MTHFD1L: variants seen among roughly 807,000 people sequenced by gnomAD.
The protein encoded by MTHFD1L is monofunctional C1-tetrahydrofolate synthase, mitochondrial.
MTHFD1L carries 81 observed loss-of-function variants against 119.5 expected under a neutral mutation model. The ratio of observed to expected loss-of-function variants is 0.68; its 90% CI spans 0.57 to 0.82. The LOEUF (loss-of-function observed/expected upper bound fraction) is 0.82. MTHFD1L is among the 40% of genes least tolerant of loss of function. MTHFD1L has a pLI of 0.00. For synonymous variants in MTHFD1L, 430 were observed against 475.2 expected (o/e 0.90, Z 1.24); for missense variants, 1,125 against 1,253.4 (o/e 0.90, Z 1.55).
At chr6:150,877,877 T>G in intron 4 of MTHFD1L, 51 bp downstream of exon 4, 1 of 1,600,612 alleles carries the variant, frequency 6.2e-7, no homozygotes, top group South Asian at 1.1e-5. Flanking sequence ...TCTTGAGACT[T>G]AATAGGCCCA....
chr6:150,870,055 C>CCACT (rs1220963248), intron 1 of MTHFD1L, among the ~76,000 whole-genome samples: 1 of 152,216 alleles, frequency 6.6e-6, no homozygotes, highest in Non-Finnish European at 1.5e-5. Context: ...CAGGCATGAG[C>CCACT]CACTGCCCCT....
At chr6:151,001,685 A>G (rs1379484935) in intron 20 of MTHFD1L, among the ~76,000 whole-genome samples, 2 of 152,154 alleles carry the variant, frequency 1.3e-5, no homozygotes, top group South Asian at 2.1e-4. Context: ...AGGAGGCCGG[A>G]TTGCAGCGCC....
intron 20 of MTHFD1L, among the ~76,000 whole-genome samples, chr6:151,008,611 C>G (rs570184279): frequency 6.6e-6 from 1 of 152,248 alleles, no homozygotes; most frequent in African/African-American, 2.4e-5. Flanking sequence ...TACTACTGAC[C>G]CAGTGCCTCG....
rs116070388 is a variant in MTHFD1L at position 151,061,755 on chromosome 6, G to A, written c.2847+24638G>A. On this transcript the variant is annotated intron_variant, in intron 26 of 27. Transcript: ENST00000367321. Reference sequence around the variant, plus strand: ...TAAAACCAGGTCTTCTAGAGAGAAAGTCTAACCCTGTATTCCTTTAAACCA... The same window carrying A: ...TAAAACCAGGTCTTCTAGAGAGAAAATCTAACCCTGTATTCCTTTAAACCA... Among the ~76,000 whole-genome samples, 1,515 of 152,290 alleles carry A rather than the reference G, an allele frequency of 9.9e-3. 26 individuals carry two copies. The highest frequency in any genetic ancestry group is 0.035 in the African/African-American group (1,446 of 41,542).
rs777994598 is a variant in MTHFD1L, at chr6:150,938,706, C to T, written c.1401C>T (p.Ala467=). ...QGPTFGVKGG[A]AGGGYAQVIP... is the part of the protein sequence containing the mutation. Reference sequence around the variant, plus strand: ...TCTTGCTCTGTTGTTTAGGAGGAGCCGCGGGTGGTGGATATGCCCAGGTCA... The same window carrying T: ...TCTTGCTCTGTTGTTTAGGAGGAGCTGCGGGTGGTGGATATGCCCAGGTCA... The change falls in exon 13 of 28, where the codon GCC becomes GCT. Residue 467 remains alanine, a synonymous_variant. Transcript: ENST00000367321. The T allele has an allele frequency of 1.8e-5, 29 of 1,610,400 alleles. No homozygotes were observed. The Admixed American group carries it at 2.0e-4, about 11-fold the overall frequency.
intron 20 of MTHFD1L, among the ~76,000 whole-genome samples, chr6:150,974,825 C>G (rs1375751285): frequency 6.6e-6 from 1 of 151,986 alleles, no homozygotes; most frequent in Admixed American, 6.6e-5. Flanking sequence ...CAACCTCCGC[C>G]TCCCAGGTTC....
rs1180436527 is a variant in MTHFD1L, at chr6:151,012,934, T to C, written c.2266-845T>C. Among the ~76,000 whole-genome samples the C allele has an allele frequency of 2.0e-5, 3 of 152,304 alleles. No homozygotes were observed. The East Asian group carries it at 5.8e-4, about 29-fold the overall frequency. On this transcript the variant is annotated intron_variant, in intron 21 of 27. Transcript: ENST00000367321. ...CTCAAAAAGGCCTTTGACTGGTCAG[T>C]TGAGACCCACCCACATTATGTAGGA...
In MTHFD1L at chr6:150,936,765, G is replaced by T. The variant is rs374730632; in HGVS notation, c.1257-39G>T. On this transcript the variant is annotated intron_variant, in intron 11 of 27. Coordinates refer to ENST00000367321, the MANE Select transcript of MTHFD1L (RefSeq NM_015440.5). ...CGGCTGGTTTTGCATAGGTTGTCTG[G>T]GAAATATTATAAAATTCACTTTCTC... The T allele has an allele frequency of 1.3e-5, 20 of 1,598,150 alleles. No individual in the cohort carries two copies. The African/African-American group carries it at 1.9e-4, about 15-fold the overall frequency.
intron 26 of MTHFD1L, among the ~76,000 whole-genome samples, chr6:151,044,340 C>T (rs1787618564): frequency 6.7e-6 from 1 of 149,354 alleles, no homozygotes. Context: ...CTCACTCTGT[C>T]ACCTGGGCTG....
At chr6:150,929,314 A>G (rs2128918196) in intron 11 of MTHFD1L, among the ~76,000 whole-genome samples, 1 of 152,348 alleles carries the variant, frequency 6.6e-6, no homozygotes, top group Admixed American at 6.5e-5. Context: ...TGATCTTGGT[A>G]GGTGGGTTTG....
In MTHFD1L at chr6:150,903,203, A is replaced by ATTT. The variant is rs774695918; in HGVS notation, c.781-2417_781-2415dup. On this transcript the variant is annotated intron_variant, in intron 7 of 27. Coordinates refer to ENST00000367321, the MANE Select transcript of MTHFD1L (RefSeq NM_015440.5). ...GATTGCTGGTGATATTGGCTGCAAA[A>ATTT]TTTTTTTTTTTTTTTTTTTTTTTTT... 2.2e-3 allele frequency among the ~76,000 whole-genome samples: 187 copies of ATTT among 85,404 alleles called. 11 individuals are homozygous for ATTT. Among genetic ancestry groups the ATTT allele is most frequent in the Middle Eastern group, 8.2e-3 (1 of 122 alleles). The allele number at this position is 85,404 out of a possible 152,430, so 56.0% of individuals were successfully genotyped here. A position where few individuals can be genotyped will look rare whatever the true frequency, so the allele number is the denominator to read the frequency against.
At chr6:150,959,510 G>A (rs561902583) in intron 17 of MTHFD1L, among the ~76,000 whole-genome samples, 4 of 152,320 alleles carry the variant, frequency 2.6e-5, no homozygotes, top group South Asian at 2.1e-4. Context: ...GATGGGAATA[G>A]GAAGTCCTAG....
chr6:151,091,735 G>A (rs1055368817), intron 26 of MTHFD1L, among the ~76,000 whole-genome samples: 1 of 152,128 alleles, frequency 6.6e-6, no homozygotes, highest in Non-Finnish European at 1.5e-5. Flanking sequence ...TCGTAGGGGT[G>A]GCTGTGGCGG....
In MTHFD1L at chr6:151,071,012, T is replaced by C. The variant is rs1164749117; in HGVS notation, c.2848-21455T>C. Among the ~76,000 whole-genome samples the C allele has an allele frequency of 3.3e-5, 5 of 152,280 alleles. No individual in the cohort carries two copies. In the South Asian group the frequency reaches 6.2e-4, roughly 19 times the overall value. ...GGTTTGGAAGCTGCCAGCCAGTCCG[T>C]TTATTTAGAAAATTCTAAGCCCAGT... On this transcript the variant is annotated intron_variant, in intron 26 of 27. Coordinates refer to ENST00000367321, the MANE Select transcript of MTHFD1L (RefSeq NM_015440.5).
Position 150,969,287 on chromosome 6 carries a change from A to G in MTHFD1L, c.2014-2660A>G, listed in dbSNP as rs146485672. Among the ~76,000 whole-genome samples the G allele has an allele frequency of 1.9e-3, 293 of 152,304 alleles. 1 individual carries two copies. Among genetic ancestry groups the G allele is most frequent in the African/African-American group, 6.8e-3 (282 of 41,576 alleles). On this transcript the variant is annotated intron_variant, in intron 19 of 27. Transcript: ENST00000367321. ...GTGAGCCACCGTGCCCGGCCTGAGC[A>G]CTTTTTAAAACATAATCTAAACCTG...
chr6:150,887,120 A>G (rs921334618), intron 6 of MTHFD1L, among the ~76,000 whole-genome samples: 1 of 152,218 alleles, frequency 6.6e-6, no homozygotes, highest in Non-Finnish European at 1.5e-5. Context: ...GAAAAATTTC[A>G]AAAATATATG....
intron 15 of MTHFD1L, among the ~76,000 whole-genome samples, chr6:150,946,025 A>C (rs1036826830): frequency 7.9e-5 from 12 of 152,128 alleles, no homozygotes; most frequent in African/African-American, 2.9e-4. Context: ...AAAATAACAA[A>C]TTAGAATTTT....
intron 26 of MTHFD1L, among the ~76,000 whole-genome samples, chr6:151,042,398 C>G (rs1194800237): frequency 2.6e-5 from 4 of 152,098 alleles, no homozygotes; most frequent in African/African-American, 9.7e-5. Context: ...TAATACAAAT[C>G]TTTGATATGG....
chr6:150,872,241 C>T (rs1016995198), intron 1 of MTHFD1L, among the ~76,000 whole-genome samples: 7 of 152,110 alleles, frequency 4.6e-5, no homozygotes, highest in Non-Finnish European at 7.4e-5. Context: ...TCTTCAATAG[C>T]TTTTCCTTTG....
Sources: gnomAD v4.1 joint callset for allele counts (sites outside exome capture counted in the v4.1 genomes callset) on GRCh38, gnomAD v4.1.1 for gene constraint, MANE v1.5 for transcripts, NCBI Gene and HGNC (gene_info 2026-07-23, HGNC 2026-07-21) for gene names.